SRD5A2: variants seen among roughly 807,000 people sequenced by gnomAD.
SRD5A2 encodes steroid 5 alpha-reductase 2, also known as 3-oxo-5-alpha-steroid 4-dehydrogenase 2.
Under a neutral mutation model 27.4 loss-of-function variants are expected in SRD5A2, and 30 were observed. The observed-to-expected ratio is 1.10, with a 90% CI of 0.82 to 1.49. The LOEUF (loss-of-function observed/expected upper bound fraction) is 1.49. Among genes scored for constraint, SRD5A2 ranks in the 40% most tolerant of loss-of-function variants. SRD5A2 has a pLI of 0.00. For synonymous variants in SRD5A2, 141 were observed against 133.6 expected, an observed-to-expected ratio of 1.06 and a Z score of -0.38; for missense variants, 348 against 323.4, an observed-to-expected ratio of 1.08 and a Z score of -0.58.
the SRD5A2 span, among the ~76,000 whole-genome samples, chr2:31,650,187 C>T: frequency 2.0e-5 from 3 of 152,118 alleles, no homozygotes; most frequent in African/African-American, 7.2e-5. Flanking sequence ...AGACATAGAC[C>T]TCCCACAACA....
chr2:31,568,874 G>A (rs562783221), intron 1 of SRD5A2, among the ~76,000 whole-genome samples: 5 of 152,358 alleles, frequency 3.3e-5, no homozygotes, highest in East Asian at 1.9e-4. Context: ...TGTCAATGCC[G>A]CCCTGAGCTT....
the SRD5A2 span, among the ~76,000 whole-genome samples, chr2:31,654,461 T>C: frequency 6.6e-6 from 1 of 152,160 alleles, no homozygotes; most frequent in Admixed American, 6.6e-5. Context: ...AGCTGGTGCG[T>C]GGGTGAGTGC....
the SRD5A2 span, among the ~76,000 whole-genome samples, chr2:31,626,958 G>A: frequency 6.6e-6 from 1 of 152,094 alleles, no homozygotes; most frequent in African/African-American, 2.4e-5. Flanking sequence ...TGTACCTCTG[G>A]TAGAATTTGG....
chr2:31,612,835 A>G, the SRD5A2 span, among the ~76,000 whole-genome samples: 1 of 152,196 alleles, frequency 6.6e-6, no homozygotes. Flanking sequence ...GACCGAGGGA[A>G]CAGGATAGAA....
At position 31,550,947 on chromosome 2, in the gene SRD5A2, A is replaced by C. The variant is rs142268324; in HGVS notation, c.282-17181T>G. Among the ~76,000 whole-genome samples the C allele has an allele frequency of 1.4e-4, 22 of 152,164 alleles. 1 individual carries two copies. The East Asian group carries it at 3.3e-3, about 23-fold the overall frequency. ...ATAAAAGTCATTTGCAAATCACATG[A>C]TTATCTATGTGGGAAATCCCCAAAA... On this transcript the variant is annotated intron_variant, in intron 1 of 4. Transcript: ENST00000622030.
At position 31,571,818 on chromosome 2, in the gene SRD5A2, A is replaced by C. The variant is rs188900144; in HGVS notation, c.281+8802T>G. Among the ~76,000 whole-genome samples, 481 of 152,340 alleles carry C rather than the reference A, an allele frequency of 3.2e-3. 1 individual carries two copies. Among genetic ancestry groups the C allele is most frequent in the African/African-American group, 0.011 (453 of 41,572 alleles). ...AAATGCAAATCAAAACCACCATAAA[A>C]TATCATCTCACATCAATCAGAATAG... On this transcript the variant is annotated intron_variant, in intron 1 of 4. Coordinates refer to ENST00000622030, the MANE Select transcript of SRD5A2 (RefSeq NM_000348.4).
intron 1 of SRD5A2, among the ~76,000 whole-genome samples, chr2:31,555,550 A>G (rs932635049): frequency 5.9e-5 from 9 of 152,160 alleles, no homozygotes; most frequent in African/African-American, 1.9e-4. Flanking sequence ...GCCAGTACCT[A>G]AGGACGGCCT....
rs548591560 is a variant in SRD5A2, at chr2:31,523,694, T to C, written c.*2502A>G. 4 of 221,312 alleles carry C rather than the reference T, an allele frequency of 1.8e-5. No individual in the cohort carries two copies. Among genetic ancestry groups the C allele is most frequent in the African/African-American group, 8.9e-5 (4 of 44,796 alleles). The allele number at this position is 221,312 out of a possible 1,614,324, so 13.7% of individuals were successfully genotyped here. A position where few individuals can be genotyped will look rare whatever the true frequency, so the allele number is the denominator to read the frequency against. The stretch of plus-strand genomic sequence containing the variant: ...GAGCTAGGACACTGTTAGATTATTT[T>C]AGCCAAAAAACAGTCCATGGAAACC... On this transcript the variant is annotated 3_prime_UTR_variant, in exon 5 of 5. Coordinates refer to ENST00000622030, the MANE Select transcript of SRD5A2 (RefSeq NM_000348.4).
the SRD5A2 span, among the ~76,000 whole-genome samples, chr2:31,590,349 T>TA: frequency 2.0e-5 from 3 of 152,210 alleles, no homozygotes; most frequent in Non-Finnish European, 4.4e-5. Flanking sequence ...CTCTTTTATT[T>TA]CACTGAGCAG....
intron 1 of SRD5A2, among the ~76,000 whole-genome samples, chr2:31,578,631 G>A (rs879556340): frequency 2.0e-5 from 3 of 152,272 alleles, no homozygotes; most frequent in Middle Eastern, 3.4e-3. Context: ...ATCAGATCCC[G>A]ATGCCTCAGG....
chr2:31,624,196 T>C, the SRD5A2 span, among the ~76,000 whole-genome samples: 3 of 151,954 alleles, frequency 2.0e-5, no homozygotes, highest in African/African-American at 4.8e-5. Context: ...AAAACAGGGG[T>C]ATCCATCATG....
the SRD5A2 span, among the ~76,000 whole-genome samples, chr2:31,648,316 T>G: frequency 6.6e-6 from 1 of 152,244 alleles, no homozygotes; most frequent in African/African-American, 2.4e-5. Context: ...CCATTTGGAT[T>G]ACATATATGA....
the SRD5A2 span, among the ~76,000 whole-genome samples, chr2:31,608,227 TAGAG>T: frequency 3.6e-3 from 548 of 152,116 alleles, 3 homozygotes; most frequent in Middle Eastern, 0.017. Flanking sequence ...TCATAAGAGA[TAGAG>T]AGATGAATTT....
intron 4 of SRD5A2, among the ~76,000 whole-genome samples, chr2:31,529,045 C>A (rs1665843115): frequency 6.6e-6 from 1 of 152,242 alleles, no homozygotes; most frequent in Non-Finnish European, 1.5e-5. Context: ...CAGGACCTTC[C>A]CGGCCGTCAC....
chr2:31,647,230 C>T, the SRD5A2 span, among the ~76,000 whole-genome samples: 1 of 152,168 alleles, frequency 6.6e-6, no homozygotes, highest in Admixed American at 6.5e-5. Context: ...GTGCTTTTCA[C>T]ACCTTAGCGT....
chr2:31,615,765 T>C, the SRD5A2 span, among the ~76,000 whole-genome samples: 1 of 152,152 alleles, frequency 6.6e-6, no homozygotes, highest in South Asian at 2.1e-4. Context: ...CTCCAAGGCA[T>C]GTCAAAGGTC....
chr2:31,605,742 C>A, the SRD5A2 span, among the ~76,000 whole-genome samples: 44 of 141,432 alleles, frequency 3.1e-4, no homozygotes, highest in Non-Finnish European at 1.6e-4. Flanking sequence ...TTTGGAGGAT[C>A]AAAAAAAAAA....
chr2:31,565,239 A>G (rs1161994395), intron 1 of SRD5A2, among the ~76,000 whole-genome samples: 1 of 152,032 alleles, frequency 6.6e-6, no homozygotes, highest in Non-Finnish European at 1.5e-5. Context: ...GAAATAAAAT[A>G]ATACTAAATC....
At chr2:31,649,981 ATT>A in the SRD5A2 span, among the ~76,000 whole-genome samples, 1 of 152,042 alleles carries the variant, frequency 6.6e-6, no homozygotes, top group Admixed American at 6.6e-5. Flanking sequence ...GATTAGATTG[ATT>A]GATTAGATTA....
Sources: allele counts gnomAD v4.1 joint callset (sites outside exome capture counted in the v4.1 genomes callset), GRCh38; gene constraint gnomAD v4.1.1; transcripts MANE v1.5; gene names NCBI Gene and HGNC (gene_info 2026-07-23, HGNC 2026-07-21).